CDK13: variants seen among roughly 807,000 people sequenced by gnomAD.
The protein encoded by CDK13 is cyclin-dependent kinase 13.
CDK13 carries 40 observed loss-of-function variants against 137.6 expected under a neutral mutation model. That is an observed-to-expected ratio of 0.29 (90% CI 0.23 to 0.38). The LOEUF (loss-of-function observed/expected upper bound fraction) is 0.38. CDK13 is among the 10% of genes least tolerant of loss of function. CDK13 has a pLI of 1.00. For missense variants in CDK13, 1,704 were observed against 1,951.8 expected (o/e 0.87, Z 2.39); for synonymous variants, 869 against 760.1 (o/e 1.14, Z -2.36).
At chr7:40,016,840 A>G (rs185967279) in intron 5 of CDK13, among the ~76,000 whole-genome samples, 3 of 152,296 alleles carry the variant, frequency 2.0e-5, no homozygotes, top group African/African-American at 7.2e-5. Context: ...TGTTTTAAAA[A>G]ATTTTTCTCG....
chr7:40,014,631 T>A, intron 5 of CDK13, among the ~76,000 whole-genome samples: 1 of 151,902 alleles, frequency 6.6e-6, no homozygotes. Flanking sequence ...ATTTTTGTAA[T>A]TTTTTGTAGA....
rs1218168523 is a variant in CDK13 at position 40,098,847 on chromosome 7, C to T, written c.*3867C>T. On this transcript the variant is annotated 3_prime_UTR_variant, in exon 14 of 14. Coordinates refer to ENST00000181839, the MANE Select transcript of CDK13 (RefSeq NM_003718.5). The stretch of plus-strand genomic sequence containing the variant: ...GGCTTTAAAAAGTCTGCTTAAAAAA[C>T]AATTTTTATTTAGAAAAAATAGAAA... The T allele has an allele frequency of 2.6e-5, 4 of 151,934 alleles. No individual in the cohort carries two copies. Among genetic ancestry groups the T allele is most frequent in the African/African-American group, 9.7e-5 (4 of 41,404 alleles). 9.4% of individuals were successfully genotyped at this position (151,934 alleles called of 1,614,324 possible).
chr7:39,952,681 T>G (rs10239324), intron 1 of CDK13: 40,694 of 152,114 alleles, frequency 0.27, 6,584 homozygotes, highest in Middle Eastern at 0.45. Context: ...CTTTAAAAGC[T>G]AAGTAGACTT....
rs1019833127 is a variant in CDK13, at chr7:40,099,280, C to T, written c.*4300C>T. The T allele has an allele frequency of 2.6e-5, 4 of 152,070 alleles. No individual in the cohort carries two copies. Among genetic ancestry groups the T allele is most frequent in the African/African-American group, 9.7e-5 (4 of 41,416 alleles). 9.4% of individuals were successfully genotyped at this position (152,070 alleles called of 1,614,324 possible). A position where few individuals can be genotyped will look rare whatever the true frequency, so the allele number is the denominator to read the frequency against. ...TTTATTGTAAAGGGAAGAACTTATC[C>T]TTTTAATTTTATGGACTAACAGAGT... On this transcript the variant is annotated 3_prime_UTR_variant, in exon 14 of 14. Transcript: ENST00000181839.
chr7:40,003,277 T>A (rs1201453707), intron 5 of CDK13, among the ~76,000 whole-genome samples: 1 of 151,758 alleles, frequency 6.6e-6, no homozygotes, highest in Non-Finnish European at 1.5e-5. Flanking sequence ...ACATGGTAGT[T>A]ATTTTGCATA....
intron 9 of CDK13, chr7:40,067,383 T>A (rs533344027): frequency 6.6e-6 from 1 of 151,714 alleles, no homozygotes; most frequent in Admixed American, 6.6e-5. Context: ...CCGTATATAC[T>A]AAAAACAAAA....
At chr7:40,039,721 C>T (rs760038403) in intron 5 of CDK13, among the ~76,000 whole-genome samples, 4 of 151,974 alleles carry the variant, frequency 2.6e-5, no homozygotes, top group Admixed American at 1.3e-4. Context: ...CGTGAGCCAC[C>T]GTGCCTGGAC....
intron 5 of CDK13, among the ~76,000 whole-genome samples, chr7:40,030,714 T>TA (rs397942083): frequency 5.9e-5 from 9 of 151,994 alleles, no homozygotes; most frequent in African/African-American, 2.2e-4. Flanking sequence ...TTTTTTTTTT[T>TA]AAACTTTATC....
intron 12 of CDK13, among the ~76,000 whole-genome samples, chr7:40,090,880 C>A (rs1394196793): frequency 6.6e-6 from 1 of 151,678 alleles, no homozygotes; most frequent in Non-Finnish European, 1.5e-5. Flanking sequence ...CTTAAAAAAT[C>A]AAGAGAAAAG....
At chr7:39,961,529 C>T (rs1326711190) in intron 1 of CDK13, among the ~76,000 whole-genome samples, 1 of 152,156 alleles carries the variant, frequency 6.6e-6, no homozygotes, top group Non-Finnish European at 1.5e-5. Context: ...ACCCTGGTAA[C>T]CACCATTCTA....
intron 5 of CDK13, among the ~76,000 whole-genome samples, chr7:40,040,685 C>T (rs1021041268): frequency 8.5e-5 from 13 of 152,252 alleles, no homozygotes; most frequent in Middle Eastern, 3.4e-3. Flanking sequence ...TAAAGGATTT[C>T]TCACATTTCT....
chr7:40,016,749 AAAG>A (rs1303427017), intron 5 of CDK13, among the ~76,000 whole-genome samples: 1 of 152,192 alleles, frequency 6.6e-6, no homozygotes, highest in Non-Finnish European at 1.5e-5. Context: ...ATGTAAGAAA[AAAG>A]AAAAAATATC....
intron 5 of CDK13, among the ~76,000 whole-genome samples, chr7:40,031,279 T>C (rs1460089007): frequency 6.6e-6 from 1 of 152,150 alleles, no homozygotes; most frequent in Non-Finnish European, 1.5e-5. Context: ...CCCAGCACTT[T>C]GGGAGGCCAA....
At chr7:40,000,259 C>G (rs2116321720) in intron 4 of CDK13, among the ~76,000 whole-genome samples, 1 of 152,238 alleles carries the variant, frequency 6.6e-6, no homozygotes, top group Non-Finnish European at 1.5e-5. Flanking sequence ...GCCTGTAAAC[C>G]CAGCTACTCG....
rs750412594 is a variant in CDK13, at chr7:39,988,112, G to T, written c.1725G>T (p.Glu575Asp). 1 of 1,613,928 alleles carries T rather than the reference G, an allele frequency of 6.2e-7. No individual in the cohort carries two copies. Residue 575 changes from glutamate to aspartate, a missense_variant, in exon 2 of 14, where the codon GAG (glutamate) becomes GAT (aspartate). Physicochemically the swap from Glu to Asp is conservative, Grantham distance 45. Around this residue, in one of 5 missense-constraint regions of CDK13, gnomAD observed 1,051 missense variants for 931.0 expected, o/e 1.13. Coordinates refer to ENST00000181839, the MANE Select transcript of CDK13 (RefSeq NM_003718.5). ...AGAGTAAATCTGCTGCTACAAAGGA[G>T]GAATCAGTATCTCTTAAAGAGAAAA... ...GKESKSAATK[E>D]ESVSLKEKTK...
At chr7:40,026,383 C>T (rs1485718228) in intron 5 of CDK13, among the ~76,000 whole-genome samples, 1 of 152,090 alleles carries the variant, frequency 6.6e-6, no homozygotes, top group Non-Finnish European at 1.5e-5. Flanking sequence ...GTGGCACATG[C>T]CTGTAGTCCC....
intron 1 of CDK13, chr7:39,986,740 C>G (rs1434959880): frequency 6.6e-6 from 1 of 152,110 alleles, no homozygotes; most frequent in African/African-American, 2.4e-5. Flanking sequence ...GTTGCATTTT[C>G]TGTGTGAAAT....
At chr7:39,976,323 T>TCTCTCTCTCTCTCTCTCTCTCTCTCTCA in intron 1 of CDK13, among the ~76,000 whole-genome samples, 4 of 39,584 alleles carry the variant, frequency 1.0e-4, no homozygotes, top group Admixed American at 3.2e-4. Flanking sequence ...TCTCTCTCTC[T>TCTCTCTCTCTCTCTCTCTCTCTCTCTCA]CACACACACA....
At chr7:40,017,635 G>A (rs890047704) in intron 5 of CDK13, among the ~76,000 whole-genome samples, 2 of 151,720 alleles carry the variant, frequency 1.3e-5, no homozygotes, top group African/African-American at 4.8e-5. Context: ...AATGTTTTAT[G>A]TGTTTCATAT....
Sources: allele counts gnomAD v4.1 joint callset (sites outside exome capture counted in the v4.1 genomes callset), GRCh38; gene constraint gnomAD v4.1.1; regional missense constraint gnomAD v4.1.1; transcripts MANE v1.5; gene names NCBI Gene and HGNC (gene_info 2026-07-23, HGNC 2026-07-21).